The following NDOR1 variants were observed in gnomAD, a reference collection of about 807,000 sequenced individuals.
The protein encoded by NDOR1 is NADPH-dependent diflavin oxidoreductase 1.
Under a neutral mutation model 67.2 loss-of-function variants are expected in NDOR1, and 61 were observed. The observed-to-expected ratio is 0.91, with a 90% CI of 0.74 to 1.12. The LOEUF is 1.12. NDOR1 is among the 50% of genes most tolerant of loss of function. The pLI is 0.00. For missense variants in NDOR1, 878 were observed against 802.8 expected (o/e 1.09, Z -1.13); for synonymous variants, 378 against 343.7 (o/e 1.10, Z -1.10).
At chr9:137,208,079 G>A (rs1287254257) in intron 2 of NDOR1, among the ~76,000 whole-genome samples, 1 of 151,048 alleles carries the variant, frequency 6.6e-6, no homozygotes, top group African/African-American at 2.4e-5. Context: ...CCAGGGAGTC[G>A]GAAGTTGCAG....
Position 137,215,696 on chromosome 9 carries a change from T to G in NDOR1, c.1326T>G (p.Ser442Arg), listed in dbSNP as rs1416506789. The change falls in exon 11 of 14, where the codon AGT becomes AGG. Residue 442 changes from serine to arginine, a missense_variant. Physicochemically the swap from Ser to Arg is moderately radical, Grantham distance 110. Coordinates refer to ENST00000684003, the MANE Select transcript of NDOR1 (RefSeq NM_014434.4). ...VRVPLWVRPGSLAFPETPDTP... is the reference protein window; with the variant it reads ...VRVPLWVRPGRLAFPETPDTP... Reference sequence around the variant, plus strand: ...TGCCCCTCTGGGTGCGGCCTGGGAGTCTGGCCTTCCCAGAGACACCAGACA... The same window carrying G: ...TGCCCCTCTGGGTGCGGCCTGGGAGGCTGGCCTTCCCAGAGACACCAGACA... The G allele has an allele frequency of 2.5e-6, 4 of 1,589,424 alleles. No homozygotes were observed. Among genetic ancestry groups the G allele is most frequent in the Admixed American group, 3.5e-5 (2 of 57,580 alleles).
At position 137,214,371 on chromosome 9, in the gene NDOR1, A is replaced by T. The variant is rs1835420761; in HGVS notation, c.680A>T (p.Asp227Val). 6.2e-7 allele frequency: 1 copy of T among 1,614,094 alleles called. No individual in the cohort carries two copies. Among genetic ancestry groups the T allele is most frequent in the Non-Finnish European group, 8.5e-7 (1 of 1,180,018 alleles). ...QRVTGPSHFQ[D>V]VRLIEFDILG... ...GTCACCGGCCCCTCCCACTTCCAGGACGTTCGGCTGATTGAGTTTGACATC... is the reference window on the plus strand; with the variant it reads ...GTCACCGGCCCCTCCCACTTCCAGGTCGTTCGGCTGATTGAGTTTGACATC... The change falls in exon 6 of 14, where the codon GAC becomes GTC. Residue 227 changes from aspartate (D) to valine (V), a missense_variant. By Grantham distance (152) the Asp-to-Val change is radical. Transcript: ENST00000684003.
rs760935387 is a variant in NDOR1 at position 137,213,793 on chromosome 9, G to A, written c.325G>A (p.Ala109Thr). Residue 109 changes from alanine (A) to threonine (T), a missense_variant, in exon 4 of 14, where the codon GCC (alanine) becomes ACC (threonine). By Grantham distance (58) the Ala-to-Thr change is moderately conservative. Coordinates refer to ENST00000684003, the MANE Select transcript of NDOR1 (RefSeq NM_014434.4). ...DSSYAKFNFV[A>T]KKLHRRLLQL... ...CTGTCTCCACAGGTTCAACTTCGTG[G>A]CCAAGAAGCTGCACCGACGGCTACT... 14 of 1,612,524 alleles carry A rather than the reference G, an allele frequency of 8.7e-6. No individual in the cohort carries two copies. Among genetic ancestry groups the A allele is most frequent in the Middle Eastern group, 3.3e-4 (2 of 6,046 alleles).
At chr9:137,211,210 C>G (rs544745862) in intron 2 of NDOR1, among the ~76,000 whole-genome samples, 1 of 152,152 alleles carries the variant, frequency 6.6e-6, no homozygotes, top group Non-Finnish European at 1.5e-5. Context: ...GAAGCAGATA[C>G]CAAAATTCGA....
At position 137,214,874 on chromosome 9, in the gene NDOR1, C is replaced by T. The variant is rs375100594; in HGVS notation, c.921C>T (p.Ser307=). 2.5e-5 allele frequency: 41 copies of T among 1,611,140 alleles called. No individual in the cohort carries two copies. The highest frequency in any genetic ancestry group is 3.3e-5 in the Admixed American group (2 of 60,002). ...TGTCCCACTACCTGGACATCGCCAG[C>T]GTGCCTCGCCGCTCCTTCTTCGAAC... ...HLVSHYLDIA[S]VPRRSFFELL... is the part of the protein sequence containing the mutation. The change falls in exon 8 of 14, where the codon AGC becomes AGT. Residue 307 remains serine (S), a synonymous_variant. Transcript: ENST00000684003.
Position 137,214,999 on chromosome 9 carries a change from C to T in NDOR1, c.1046C>T (p.Pro349Leu). 6.2e-7 allele frequency: 1 copy of T among 1,612,462 alleles called. No homozygotes were observed. The highest frequency in any genetic ancestry group is 8.5e-7 in the Non-Finnish European group (1 of 1,178,912). ...GAGCTCTTTGAATACTGCAACCGGC[C>T]CCGCAGGACCATCCTGGAGGTGAGA... ...QEELFEYCNRPRRTILEVLCD... is the reference protein window; with the variant it reads ...QEELFEYCNRLRRTILEVLCD... Residue 349 changes from proline (P) to leucine (L), a missense_variant, in exon 8 of 14, where the codon CCC becomes CTC. Transcript: ENST00000684003.
rs375551432 is a variant in NDOR1, at chr9:137,214,094, C to G, written c.512+26C>G. The stretch of plus-strand genomic sequence containing the variant: ...GTGAGTGTGGGCCCCGGGTCACCCA[C>G]AGGCGCAGCAGACCCAACCTGGCCT... On this transcript the variant is annotated intron_variant, in intron 5 of 13. Coordinates refer to ENST00000684003, the MANE Select transcript of NDOR1 (RefSeq NM_014434.4). The G allele has an allele frequency of 3.9e-6, 6 of 1,531,616 alleles. No individual in the cohort carries two copies. In the African/African-American group the frequency reaches 8.2e-5, roughly 21 times the overall value. 94.9% of individuals were successfully genotyped at this position (1,531,616 alleles called of 1,614,324 possible).
Position 137,214,922 on chromosome 9 carries a change from T to A in NDOR1, c.969T>A (p.His323Gln). ...FFELLACLSL[H>Q]ELEREKLLEF... is the part of the protein sequence containing the mutation. ...AACTCCTGGCCTGTCTATCCCTCCATGAGCTGGAGCGGGAGAAGCTGCTGG... is the reference window on the plus strand; with the variant it reads ...AACTCCTGGCCTGTCTATCCCTCCAAGAGCTGGAGCGGGAGAAGCTGCTGG... Residue 323 changes from histidine to glutamine, a missense_variant, in exon 8 of 14, where the codon CAT (histidine) becomes CAA (glutamine). Coordinates refer to ENST00000684003, the MANE Select transcript of NDOR1 (RefSeq NM_014434.4). The A allele has an allele frequency of 6.2e-7, 1 of 1,611,886 alleles. No individual in the cohort carries two copies. Among genetic ancestry groups the A allele is most frequent in the Non-Finnish European group, 8.5e-7 (1 of 1,178,806 alleles).
Position 137,216,478 on chromosome 9 carries a change from AC to A in NDOR1, c.*63del. 6.5e-7 allele frequency: 1 copy of A among 1,550,326 alleles called. No homozygotes were observed. Among genetic ancestry groups the A allele is most frequent in the Non-Finnish European group, 8.7e-7 (1 of 1,152,982 alleles). ...CTCCTGGGAGCCCAGGAAGGCATCC[AC>A]GAGGGAGCTCCTGGCCAGCAGCCGT... On this transcript the variant is annotated 3_prime_UTR_variant, in exon 14 of 14. Coordinates refer to ENST00000684003, the MANE Select transcript of NDOR1 (RefSeq NM_014434.4).
chr9:137,215,390 C>A lies in NDOR1; in HGVS notation c.1174-17C>A. The A allele has an allele frequency of 3.1e-6, 5 of 1,590,674 alleles. No homozygotes were observed. The highest frequency in any genetic ancestry group is 4.3e-6 in the Non-Finnish European group (5 of 1,159,648). ...GGCAGCCTTGTTCCACCACCCCCAC[C>A]CCGCCGTCCTCCCCAGACTCACCCC... On this transcript the variant is annotated splice_polypyrimidine_tract_variant and intron_variant, in intron 9 of 13. Transcript: ENST00000684003.
At chr9:137,213,267 G>A (rs1052905176) in intron 3 of NDOR1, among the ~76,000 whole-genome samples, 26 of 151,624 alleles carry the variant, frequency 1.7e-4, no homozygotes, top group African/African-American at 6.3e-4. Flanking sequence ...GGGACACAGT[G>A]TTCGTTCAAG....
rs753711258 is a variant in NDOR1, at chr9:137,214,788, C to G, written c.845-10C>G. On this transcript the variant is annotated splice_polypyrimidine_tract_variant and intron_variant, in intron 7 of 13. Transcript: ENST00000684003. ...CCGCAGCCCACGGAGGCCTCCCACT[C>G]ACCCTGCAGATGTCTCCTCCCCCAC... 5 of 1,599,878 alleles carry G rather than the reference C, an allele frequency of 3.1e-6. No individual in the cohort carries two copies. In the South Asian group the frequency reaches 4.4e-5, roughly 14 times the overall value.
intron 2 of NDOR1, among the ~76,000 whole-genome samples, chr9:137,207,953 G>A (rs1835051824): frequency 6.6e-6 from 1 of 151,862 alleles, no homozygotes; most frequent in Non-Finnish European, 1.5e-5. Flanking sequence ...GACCAGCCTG[G>A]CCAACATGGT....
At position 137,216,298 on chromosome 9, in the gene NDOR1, T is replaced by C. The variant is rs1475039358; in HGVS notation, c.1676T>C (p.Val559Ala). The C allele has an allele frequency of 6.2e-7, 1 of 1,612,610 alleles. No individual in the cohort carries two copies. The highest frequency in any genetic ancestry group is 2.2e-5 in the East Asian group (1 of 44,878). ...AACGCCAAGTCCATGCCAGCGGACG[T>C]CTCGGAAGCCCTGATGTCCATCTTC... ...AGNAKSMPADVSEALMSIFQE... is the reference protein window; with the variant it reads ...AGNAKSMPADASEALMSIFQE... Residue 559 changes from valine to alanine, a missense_variant, in exon 14 of 14, where the codon GTC (valine) becomes GCC (alanine). Physicochemically the swap from Val to Ala is moderately conservative, Grantham distance 64. Coordinates refer to ENST00000684003, the MANE Select transcript of NDOR1 (RefSeq NM_014434.4).
In NDOR1 at chr9:137,206,261, ATTTG is replaced by A. The variant is rs771134409; in HGVS notation, c.171_174del (p.Cys58GlnfsTer12). 36 of 1,613,750 alleles carry A rather than the reference ATTTG, an allele frequency of 2.2e-5. No homozygotes were observed. The highest frequency in any genetic ancestry group is 5.3e-5 in the African/African-American group (4 of 74,866). On this transcript the variant is annotated frameshift_variant, in exon 2 of 14. Transcript: ENST00000684003. LOFTEE classifies it high-confidence loss of function. The stretch of plus-strand genomic sequence containing the variant: ...ATCTGATTAACGAGCCCCTGGTGAT[ATTTG>A]TTTGTGCAACTACAGGCCAAGGAGA...
At chr9:137,213,648 T>C in intron 3 of NDOR1, 132 bp from the exon 4 acceptor site, 2 of 890,688 alleles carry the variant, frequency 2.2e-6, no homozygotes, top group South Asian at 3.2e-5. Flanking sequence ...GCGTGGAGTG[T>C]GTTTTCCACC....
At chr9:137,209,769 G>A (rs1835159610) in intron 2 of NDOR1, among the ~76,000 whole-genome samples, 2 of 152,262 alleles carry the variant, frequency 1.3e-5, no homozygotes, top group South Asian at 2.1e-4. Context: ...GAAAGGCCAA[G>A]TGACCAGGTC....
intron 2 of NDOR1, among the ~76,000 whole-genome samples, chr9:137,209,483 A>C (rs1445981910): frequency 6.6e-6 from 1 of 152,116 alleles, no homozygotes; most frequent in African/African-American, 2.4e-5. Context: ...CGAGGAAACG[A>C]AGAGTCCCAA....
rs1835285421 is a variant in NDOR1, at chr9:137,212,023, G to A, written c.214-479G>A. Among the ~76,000 whole-genome samples the A allele has an allele frequency of 6.6e-6, 1 of 152,170 alleles. No homozygotes were observed. The highest frequency in any genetic ancestry group is 2.1e-4 in the South Asian group (1 of 4,824). Reference sequence around the variant, plus strand: ...ACTGGAACCTCAGAGGGCCGAGTGTGAGAGCCCTTGGGATGGACCTCAGAG... The same window carrying A: ...ACTGGAACCTCAGAGGGCCGAGTGTAAGAGCCCTTGGGATGGACCTCAGAG... On this transcript the variant is annotated intron_variant, in intron 2 of 13. Transcript: ENST00000684003. This position sits in a 1 kb window ranked among gnomAD's most constrained non-coding sequence, Gnocchi z 4.3.
Sources: allele counts gnomAD v4.1 joint callset (sites outside exome capture counted in the v4.1 genomes callset), GRCh38; gene constraint gnomAD v4.1.1; non-coding constraint Gnocchi (gnomAD v3.1); transcripts MANE v1.5; gene names NCBI Gene and HGNC (gene_info 2026-07-23, HGNC 2026-07-21).